The following SLK variants were observed in gnomAD, a reference collection of about 807,000 sequenced individuals.
SLK encodes STE20 like kinase.
Under a neutral mutation model 147.7 loss-of-function variants are expected in SLK, and 67 were observed. That is an observed-to-expected ratio of 0.45 (90% CI 0.37 to 0.56). The LOEUF is 0.56. Among genes scored for constraint, SLK ranks in the 20% least tolerant of loss-of-function variants. The pLI, the probability that SLK is intolerant of heterozygous loss-of-function variation, is 0.00. For missense variants in SLK, 1,136 were observed against 1,438.8 expected (o/e 0.79, Z 3.41); for synonymous variants, 441 against 475.0 (o/e 0.93, Z 0.93).
At chr10:103,999,654 C>T (rs1844219310) in intron 6 of SLK, among the ~76,000 whole-genome samples, 1 of 152,094 alleles carries the variant, frequency 6.6e-6, no homozygotes, top group Non-Finnish European at 1.5e-5. Context: ...ATGGCTGTCT[C>T]AGTGATTATG....
In SLK at chr10:104,021,604, C is replaced by G; in HGVS notation, c.3448-16C>G. The G allele has an allele frequency of 6.7e-7, 1 of 1,502,638 alleles. No individual in the cohort carries two copies. Among genetic ancestry groups the G allele is most frequent in the Non-Finnish European group, 9.1e-7 (1 of 1,102,522 alleles). 93.1% of individuals were successfully genotyped at this position (1,502,638 alleles called of 1,614,324 possible). On this transcript the variant is annotated splice_polypyrimidine_tract_variant and intron_variant, in intron 17 of 18. Coordinates refer to ENST00000369755, the MANE Select transcript of SLK (RefSeq NM_014720.4). ...AGTTGATCTGAAATTTTTTTAAATC[C>G]CAACTTTATTTTCAGAATGAAAAAT...
In SLK at chr10:104,019,940, T is replaced by C. The variant is rs1290335612; in HGVS notation, c.3321+18T>C. On this transcript the variant is annotated intron_variant, in intron 16 of 18. Transcript: ENST00000369755. The stretch of plus-strand genomic sequence containing the variant: ...TTAAACAGGTAAATATGCAAGTTAG[T>C]CTCTTCTCTTTTAGGTTTAAAATTT... The C allele has an allele frequency of 5.7e-6, 9 of 1,585,908 alleles. No homozygotes were observed. The highest frequency in any genetic ancestry group is 7.8e-6 in the Non-Finnish European group (9 of 1,160,566).
In SLK at chr10:104,020,593, C is replaced by T. The variant is rs775081236; in HGVS notation, c.3427C>T (p.Arg1143Cys). 25 of 1,613,082 alleles carry T rather than the reference C, an allele frequency of 1.5e-5. No individual in the cohort carries two copies. Among genetic ancestry groups the T allele is most frequent in the African/African-American group, 6.7e-5 (5 of 74,774 alleles). The stretch of plus-strand genomic sequence containing the variant: ...TCAGTTGCAGTGTGAAGCCAATGTC[C>T]GCGAACTGCATCAGCTGCAGGTCAG... The part of the protein sequence containing the change: ...DLQLQCEANV[R>C]ELHQLQNEKC... The change falls in exon 17 of 19, where the codon CGC (arginine) becomes TGC (cysteine). Residue 1143 changes from arginine (R) to cysteine (C), a missense_variant. Around this residue, in one of 6 missense-constraint regions of SLK, gnomAD observed 327 missense variants for 457.5 expected, o/e 0.71. Transcript: ENST00000369755.
intron 14 of SLK, among the ~76,000 whole-genome samples, chr10:104,018,549 G>A (rs768440396): frequency 6.6e-6 from 1 of 151,998 alleles, no homozygotes; most frequent in Non-Finnish European, 1.5e-5. Flanking sequence ...TGATTAAATA[G>A]GATTTTGGTG....
intron 18 of SLK, 103 bp from the exon 19 acceptor site, chr10:104,025,471 T>C (rs1475931819): frequency 3.4e-5 from 38 of 1,134,158 alleles, no homozygotes; most frequent in Non-Finnish European, 4.5e-5. Context: ...GAGGATTATA[T>C]ACAAAGAAAG....
downstream of SLK, chr10:104,029,233 A>ATAACTTTATTTTTGGACTGC (rs1305929720): frequency 2.0e-5 from 3 of 152,192 alleles, no homozygotes; most frequent in African/African-American, 7.2e-5. Context: ...TTCTTAATCA[A>ATAACTTTATTTTTGGACTGC]TTTTGGGAAG....
chr10:104,004,300 T>C (rs1164794701), intron 9 of SLK, among the ~76,000 whole-genome samples: 1 of 152,206 alleles, frequency 6.6e-6, no homozygotes. Flanking sequence ...CATGTATTCC[T>C]AGGATTTTCT....
chr10:104,019,006 A>T, intron 15 of SLK, 98 bp downstream of exon 15: 1 of 1,205,056 alleles, frequency 8.3e-7, no homozygotes, highest in Non-Finnish European at 1.1e-6. Context: ...TGAATTTTAG[A>T]TTTCCTTTCT....
chr10:103,977,138 AATG>A (rs1843882629), intron 1 of SLK, among the ~76,000 whole-genome samples: 1 of 152,042 alleles, frequency 6.6e-6, no homozygotes, highest in South Asian at 2.1e-4. Flanking sequence ...TATTTTCCTT[AATG>A]ATTTGTAGGA....
chr10:104,002,173 C>T lies in SLK; in HGVS notation c.995C>T (p.Pro332Leu). Reference sequence around the variant, plus strand: ...AAAAATACATTAAATCTTTTTTAGCCAATACCTGCAAGTAAGCGTGCATCT... The same window carrying T: ...AAAAATACATTAAATCTTTTTTAGCTAATACCTGCAAGTAAGCGTGCATCT... ...DEEEETENSLPIPASKRASSD... is the reference protein window; with the variant it reads ...DEEEETENSLLIPASKRASSD... Residue 332 changes from proline (P) to leucine (L), a missense_variant and splice_region_variant, in exon 9 of 19, where the codon CCA becomes CTA. By Grantham distance (98) the Pro-to-Leu change is moderately conservative (BLOSUM62 -3). Coordinates refer to ENST00000369755, the MANE Select transcript of SLK (RefSeq NM_014720.4). 2 of 1,563,784 alleles carry T rather than the reference C, an allele frequency of 1.3e-6. No individual in the cohort carries two copies. The highest frequency in any genetic ancestry group is 2.4e-5 in the South Asian group (2 of 84,602).
chr10:103,999,256 G>A lies in SLK; in HGVS notation c.725G>A (p.Arg242Gln), dbSNP rs758326834. The change falls in exon 6 of 19, where the codon CGA becomes CAA. Residue 242 changes from arginine (R) to glutamine (Q), a missense_variant. Arg to Gln is a conservative substitution (Grantham distance 43, BLOSUM62 1). Coordinates refer to ENST00000369755, the MANE Select transcript of SLK (RefSeq NM_014720.4). ...CCTCATCATGAATTAAATCCAATGCGAGTGCTGCTAAAAATAGCAAAATCT... is the reference window on the plus strand; with the variant it reads ...CCTCATCATGAATTAAATCCAATGCAAGTGCTGCTAAAAATAGCAAAATCT... ...EPPHHELNPM[R>Q]VLLKIAKSEP... is the part of the protein sequence containing the mutation. 1.2e-6 allele frequency: 2 copies of A among 1,613,510 alleles called. No individual in the cohort carries two copies. The highest frequency in any genetic ancestry group is 1.1e-5 in the South Asian group (1 of 90,996).
chr10:103,992,124 T>C (rs1029743689), intron 2 of SLK, among the ~76,000 whole-genome samples: 1 of 147,014 alleles, frequency 6.8e-6, no homozygotes, highest in African/African-American at 2.5e-5. Flanking sequence ...TCTGAAGCTT[T>C]TGTGGGTATT....
At chr10:104,020,695 A>C (rs1259779371) in intron 17 of SLK, 82 bp downstream of exon 17, 18 of 1,428,714 alleles carry the variant, frequency 1.3e-5, no homozygotes, top group Non-Finnish European at 1.6e-5. Flanking sequence ...TAGCTAGCCA[A>C]AGTCAACTGC....
chr10:104,020,290 TAGGAGGATCA>T (rs1175841110), intron 16 of SLK, among the ~76,000 whole-genome samples, 188 bp from the exon 17 acceptor site: 1 of 152,172 alleles, frequency 6.6e-6, no homozygotes, highest in African/African-American at 2.4e-5. Context: ...ACTAAGCAGA[TAGGAGGATCA>T]AGGTTTTAAT....
intron 1 of SLK, chr10:103,974,929 A>G (rs1843848784): frequency 7.2e-6 from 1 of 138,614 alleles, no homozygotes; most frequent in Non-Finnish European, 1.5e-5. Context: ...TCGGCCTCCC[A>G]AAGTGCTGGG....
intron 18 of SLK, among the ~76,000 whole-genome samples, chr10:104,022,116 G>T (rs775694457): frequency 6.6e-6 from 1 of 152,134 alleles, no homozygotes; most frequent in Non-Finnish European, 1.5e-5. Flanking sequence ...GATGATTTGA[G>T]TAGGGAGAAG....
At chr10:103,993,808 A>G (rs1844130964) in intron 4 of SLK, among the ~76,000 whole-genome samples, 1 of 152,242 alleles carries the variant, frequency 6.6e-6, no homozygotes, top group Non-Finnish European at 1.5e-5. Flanking sequence ...AGGACAAAAT[A>G]TATTCAGAAG....
Position 104,002,996 on chromosome 10 carries a change from T to G in SLK, c.1818T>G (p.Val606=). Residue 606 remains valine (V), a synonymous_variant, in exon 9 of 19, where the codon GTT becomes GTG. Coordinates refer to ENST00000369755, the MANE Select transcript of SLK (RefSeq NM_014720.4). ...GTKEVPIKEI[V]EMNEIEEGKN... The stretch of plus-strand genomic sequence containing the variant: ...AGGAAGTTCCTATTAAAGAAATAGT[T>G]GAAATGAATGAAATAGAAGAAGGTA... 1 of 1,613,576 alleles carries G rather than the reference T, an allele frequency of 6.2e-7. No homozygotes were observed.
Position 103,977,313 on chromosome 10 carries a change from A to G in SLK, c.150+9418A>G, listed in dbSNP as rs569809928. Among the ~76,000 whole-genome samples, 33 of 152,324 alleles carry G rather than the reference A, an allele frequency of 2.2e-4. 1 individual carries two copies. In the East Asian group the frequency reaches 5.4e-3, roughly 25 times the overall value. ...TATTTTTGCTTGCCCCAAAACCTCA[A>G]TAAAAACTGTTATCTGGCCAGGTGC... On this transcript the variant is annotated intron_variant, in intron 1 of 18. Coordinates refer to ENST00000369755, the MANE Select transcript of SLK (RefSeq NM_014720.4).
Sources: allele counts gnomAD v4.1 joint callset (sites outside exome capture counted in the v4.1 genomes callset), GRCh38; gene constraint gnomAD v4.1.1; regional missense constraint gnomAD v4.1.1; transcripts MANE v1.5; gene names NCBI Gene and HGNC (gene_info 2026-07-23, HGNC 2026-07-21).